DPP10: variants seen among roughly 807,000 people sequenced by gnomAD.
The protein encoded by DPP10 is dipeptidyl peptidase like 10, also known as inactive dipeptidyl peptidase 10.
DPP10 carries 33 observed loss-of-function variants against 120.9 expected under a neutral mutation model. The observed-to-expected ratio is 0.27, with a 90% CI of 0.21 to 0.37. The LOEUF is 0.37. DPP10 is among the 10% of genes least tolerant of loss of function. The pLI, the probability that DPP10 is intolerant of heterozygous loss-of-function variation, is 1.00. For synonymous variants in DPP10, 337 were observed against 326.1 expected (o/e 1.03, Z -0.36); for missense variants, 816 against 942.8 (o/e 0.87, Z 1.76).
In DPP10 at chr2:115,482,065, C is replaced by A. The variant is rs148799652; in HGVS notation, c.272-17445C>A. Among the ~76,000 whole-genome samples, 1,242 of 151,930 alleles carry A rather than the reference C, an allele frequency of 8.2e-3. 12 individuals carry two copies. The highest frequency in any genetic ancestry group is 0.027 in the African/African-American group (1,115 of 41,490). On this transcript the variant is annotated intron_variant, in intron 3 of 25. Coordinates refer to ENST00000410059, the MANE Select transcript of DPP10 (RefSeq NM_020868.6). Reference sequence around the variant, plus strand: ...CACATTGTTTTGTTTCATATTACACCAGTAGTTTCGGTTTTACAGCCAAAA... The same window carrying A: ...CACATTGTTTTGTTTCATATTACACAAGTAGTTTCGGTTTTACAGCCAAAA...
chr2:114,618,873 G>A (rs950286771), intron 1 of DPP10, among the ~76,000 whole-genome samples: 4 of 151,962 alleles, frequency 2.6e-5, no homozygotes, highest in Non-Finnish European at 4.4e-5. Flanking sequence ...GAGAAAGAAA[G>A]GGAGCAGGGC....
chr2:115,765,624 C>A (rs1680616427), intron 12 of DPP10, among the ~76,000 whole-genome samples: 1 of 151,990 alleles, frequency 6.6e-6, no homozygotes, highest in South Asian at 2.1e-4. Flanking sequence ...CTTGGAAATT[C>A]TTTTGTTTCA....
intron 1 of DPP10, among the ~76,000 whole-genome samples, chr2:114,623,637 T>C (rs1471199575): frequency 6.6e-6 from 1 of 152,048 alleles, no homozygotes; most frequent in Non-Finnish European, 1.5e-5. Context: ...ACAGCAAAAA[T>C]GACCTATAAA....
intron 5 of DPP10, among the ~76,000 whole-genome samples, chr2:115,687,993 C>A (rs867324213): frequency 6.6e-5 from 10 of 151,502 alleles, no homozygotes; most frequent in African/African-American, 2.4e-4. Context: ...ACTCACTTGG[C>A]AGTTTGCTTT....
At chr2:115,155,704 C>T (rs562265481) in intron 1 of DPP10, among the ~76,000 whole-genome samples, 1 of 152,276 alleles carries the variant, frequency 6.6e-6, no homozygotes, top group African/African-American at 2.4e-5. Flanking sequence ...GGAAGTTACA[C>T]TTTTGACTGC....
At chr2:115,710,657 C>G (rs563114721) in intron 7 of DPP10, among the ~76,000 whole-genome samples, 3 of 152,042 alleles carry the variant, frequency 2.0e-5, no homozygotes, top group South Asian at 2.1e-4. Context: ...CTATAAAATG[C>G]CTTCAAAATG....
At position 115,270,105 on chromosome 2, in the gene DPP10, CACACACACAGACACACACACAA is replaced by C. The variant is rs1408106024; in HGVS notation, c.61-39129_61-39108del. On this transcript the variant is annotated intron_variant, in intron 1 of 25. Coordinates refer to ENST00000410059, the MANE Select transcript of DPP10 (RefSeq NM_020868.6). ...ACACACACACACACACACACACACA[CACACACACAGACACACACACAA>C]ACACTTATTTATGCTGGCAGACTGA... Among the ~76,000 whole-genome samples the C allele has an allele frequency of 2.1e-4, 31 of 147,714 alleles. 1 individual carries two copies. The highest frequency in any genetic ancestry group is 7.2e-4 in the African/African-American group (28 of 38,658).
At chr2:115,450,383 T>C (rs2073009491) in intron 3 of DPP10, among the ~76,000 whole-genome samples, 1 of 152,040 alleles carries the variant, frequency 6.6e-6, no homozygotes, top group South Asian at 2.1e-4. Context: ...TGAACCAGCA[T>C]AAGTTGAAGA....
intron 1 of DPP10, among the ~76,000 whole-genome samples, chr2:114,916,881 T>G: frequency 6.6e-6 from 1 of 152,152 alleles, no homozygotes; most frequent in East Asian, 1.9e-4. Flanking sequence ...GGGCAAAAGT[T>G]GGAAGCATTC....
intron 5 of DPP10, among the ~76,000 whole-genome samples, chr2:115,683,037 G>A (rs1034353711): frequency 1.3e-5 from 2 of 151,666 alleles, no homozygotes; most frequent in South Asian, 2.1e-4. Context: ...GTTTTGTGAC[G>A]GTCAGTTTTG....
intron 1 of DPP10, among the ~76,000 whole-genome samples, chr2:115,135,882 T>C (rs2050627712): frequency 6.6e-6 from 1 of 152,152 alleles, no homozygotes. Flanking sequence ...GCCAAAAGGG[T>C]AAATGTGCAG....
chr2:114,857,636 T>G (rs1689476256), intron 1 of DPP10, among the ~76,000 whole-genome samples: 1 of 152,210 alleles, frequency 6.6e-6, no homozygotes. Context: ...GGACTAGAAC[T>G]AGTAATAGTA....
chr2:115,707,013 A>G (rs959712605), intron 7 of DPP10, among the ~76,000 whole-genome samples: 1 of 151,984 alleles, frequency 6.6e-6, no homozygotes, highest in Non-Finnish European at 1.5e-5. Flanking sequence ...TTTATGTTAC[A>G]TTAATCAGCT....
At chr2:115,351,812 T>C (rs913605463) in intron 3 of DPP10, among the ~76,000 whole-genome samples, 3 of 152,110 alleles carry the variant, frequency 2.0e-5, no homozygotes, top group African/African-American at 7.2e-5. Flanking sequence ...ATTGCTATGT[T>C]GTTTGTAAAA....
Position 115,599,074 on chromosome 2 carries a change from CAT to C in DPP10, c.441+73105_441+73106del, listed in dbSNP as rs575362314. On this transcript the variant is annotated intron_variant, in intron 5 of 25. Coordinates refer to ENST00000410059, the MANE Select transcript of DPP10 (RefSeq NM_020868.6). ...ATTCCAATTATTACACCTCTAAAAT[CAT>C]ATGTTATTTTCACTGAGTAGTTTAA... 4.4e-3 allele frequency among the ~76,000 whole-genome samples: 668 copies of C among 151,972 alleles called. 3 individuals are homozygous for C. Among genetic ancestry groups the C allele is most frequent in the Middle Eastern group, 0.01 (3 of 294 alleles).
Position 114,608,500 on chromosome 2 carries a change from T to G in DPP10, c.60+165662T>G, listed in dbSNP as rs145643410. On this transcript the variant is annotated intron_variant, in intron 1 of 25. Coordinates refer to ENST00000410059, the MANE Select transcript of DPP10 (RefSeq NM_020868.6). ...AAATTCTATTTCTATCATATTTATA[T>G]GAATTATCTCATTTGATCTTCACAA... is the stretch of plus-strand genomic sequence containing the variant. 8.5e-5 allele frequency among the ~76,000 whole-genome samples: 13 copies of G among 152,290 alleles called. No individual in the cohort carries two copies. The East Asian group carries it at 2.5e-3, about 29-fold the overall frequency.
chr2:115,405,768 C>T (rs1255551883), intron 3 of DPP10, among the ~76,000 whole-genome samples: 1 of 152,182 alleles, frequency 6.6e-6, no homozygotes, highest in Non-Finnish European at 1.5e-5. Context: ...ACCTGGGATC[C>T]CTTGAACCAT....
chr2:114,991,306 G>A (rs965142699), intron 1 of DPP10, among the ~76,000 whole-genome samples: 2 of 152,136 alleles, frequency 1.3e-5, no homozygotes, highest in African/African-American at 2.4e-5. Flanking sequence ...AAGGTAGAGT[G>A]TTCAGGAGGA....
At chr2:115,242,672 A>G (rs1396318902) in intron 1 of DPP10, among the ~76,000 whole-genome samples, 1 of 124,200 alleles carries the variant, frequency 8.1e-6, no homozygotes, top group Admixed American at 8.3e-5. Flanking sequence ...GCCAACATCT[A>G]TTTTTTTTTT....
Sources: allele counts gnomAD v4.1 joint callset (sites outside exome capture counted in the v4.1 genomes callset), GRCh38; gene constraint gnomAD v4.1.1; transcripts MANE v1.5; gene names NCBI Gene and HGNC (gene_info 2026-07-23, HGNC 2026-07-21).